The following UBN1 variants were observed in gnomAD, a reference collection of about 807,000 sequenced individuals.
The protein encoded by UBN1 is ubinuclein 1, also known as ubinuclein-1.
In UBN1, 17 loss-of-function variants were observed where a neutral mutation model predicts 108.5. The ratio of observed to expected loss-of-function variants is 0.16; its 90% CI spans 0.11 to 0.24. The LOEUF (loss-of-function observed/expected upper bound fraction) is 0.24, where lower values mean the gene tolerates loss of function less well. Among genes scored for constraint, UBN1 ranks in the 10% least tolerant of loss-of-function variants. UBN1 has a pLI of 1.00. For missense variants in UBN1, 1,595 were observed against 1,394.4 expected, an observed-to-expected ratio of 1.14 and a Z score of -2.29; for synonymous variants, 726 against 564.2, an observed-to-expected ratio of 1.29 and a Z score of -4.07.
chr16:4,874,640 C>G lies in UBN1; in HGVS notation c.2230C>G (p.Leu744Val). 6.2e-7 allele frequency: 1 copy of G among 1,614,230 alleles called. No homozygotes were observed. The highest frequency in any genetic ancestry group is 1.1e-5 in the South Asian group (1 of 91,084). ...CCTCAATTTTCTGGCAGAACAGGCT[C>G]TGGCACTGGGGCAGTCCTCTCAGGA... is the stretch of plus-strand genomic sequence containing the variant. The part of the protein sequence containing the change: ...SPLNFLAEQA[L>V]ALGQSSQEKK... Residue 744 changes from leucine to valine, a missense_variant, in exon 15 of 18, where the codon CTG (leucine) becomes GTG (valine). Around this residue, in one of 3 missense-constraint regions of UBN1, gnomAD observed 1,398 missense variants for 1,194.7 expected, o/e 1.17. Coordinates refer to ENST00000262376, the MANE Select transcript of UBN1 (RefSeq NM_001079514.3).
chr16:4,879,638 C>T (rs1596535013), intron 17 of UBN1, among the ~76,000 whole-genome samples: 1 of 152,224 alleles, frequency 6.6e-6, no homozygotes, highest in African/African-American at 2.4e-5. Flanking sequence ...CTTGTGTCTG[C>T]GTTGCTTTCC....
chr16:4,870,124 C>T lies in UBN1; in HGVS notation c.1182-88C>T, dbSNP rs1596511763. ...AGACAGGGTTTGACTGCCGTTGGCT[C>T]CTAGCTTTCCTCTCCACGTACGGTG... On this transcript the variant is annotated intron_variant, in intron 8 of 17. Transcript: ENST00000262376. The T allele has an allele frequency of 1.7e-5, 27 of 1,579,336 alleles. No individual in the cohort carries two copies. The East Asian group carries it at 3.6e-4, about 21-fold the overall frequency.
In UBN1 at chr16:4,874,397, G is replaced by A; in HGVS notation, c.1987G>A (p.Glu663Lys). 2.5e-6 allele frequency: 4 copies of A among 1,614,070 alleles called. No individual in the cohort carries two copies. In the South Asian group the frequency reaches 4.4e-5, roughly 18 times the overall value. ...PPVNLEDSLD[E>K]DLIRNPASSV... ...TGTCAACCTGGAGGACTCATTGGAT[G>A]AAGACTTGATCCGCAATCCAGCCTC... Residue 663 changes from glutamate (E) to lysine (K), a missense_variant, in exon 15 of 18, where the codon GAA (glutamate) becomes AAA (lysine). Glu to Lys is a moderately conservative substitution (Grantham distance 56). Coordinates refer to ENST00000262376, the MANE Select transcript of UBN1 (RefSeq NM_001079514.3).
chr16:4,865,219 A>G (rs979631389), intron 7 of UBN1, among the ~76,000 whole-genome samples: 1 of 152,228 alleles, frequency 6.6e-6, no homozygotes, highest in African/African-American at 2.4e-5. Context: ...AAAATGCCGC[A>G]GTCGACTCTT....
At chr16:4,872,101 G>A (rs1447607883) in intron 12 of UBN1, 1 of 764,164 alleles carries the variant, frequency 1.3e-6, no homozygotes, top group African/African-American at 1.9e-5. Flanking sequence ...GAGAAAGTTA[G>A]CTGGAGTGAT....
intron 15 of UBN1, among the ~76,000 whole-genome samples, chr16:4,876,234 A>G (rs1382906145): frequency 6.6e-6 from 1 of 152,156 alleles, no homozygotes; most frequent in Non-Finnish European, 1.5e-5. Context: ...CTGGGATTGC[A>G]GGTGTGAGCC....
chr16:4,848,828 G>T (rs149647448), intron 1 of UBN1, among the ~76,000 whole-genome samples: 1,753 of 152,336 alleles, frequency 0.012, 40 homozygotes, highest in African/African-American at 0.04. Context: ...TGGCCGGGCA[G>T]GGTGGTATAA....
At chr16:4,861,304 G>T (rs544612516) in intron 7 of UBN1, among the ~76,000 whole-genome samples, 19 of 152,324 alleles carry the variant, frequency 1.2e-4, no homozygotes, top group Middle Eastern at 3.4e-3. Flanking sequence ...GCCTTTCTTG[G>T]TTTCTTCATT....
intron 2 of UBN1, 63 bp downstream of exon 2, chr16:4,853,229 G>C: frequency 6.4e-7 from 1 of 1,573,546 alleles, no homozygotes; most frequent in South Asian, 1.2e-5. Flanking sequence ...GCATGCATGT[G>C]GGGCTTCCGT....
At chr16:4,849,696 C>A (rs2086446195) in intron 1 of UBN1, among the ~76,000 whole-genome samples, 2 of 151,498 alleles carry the variant, frequency 1.3e-5, no homozygotes, top group Admixed American at 6.6e-5. Context: ...AGTCTAAAGC[C>A]ATCCTCCCAC....
At position 4,870,282 on chromosome 16, in the gene UBN1, C is replaced by T; in HGVS notation, c.1252C>T (p.Leu418=). ...GGTGTATGCCTATCTTGCGTCATTC[C>T]TGCCCTGCAGCAAGGATGCCCTGCT... The part of the protein sequence containing the change: ...SGVYAYLASF[L]PCSKDALLKR... The change falls in exon 9 of 18, where the codon CTG becomes TTG. Residue 418 remains leucine, a synonymous_variant. Transcript: ENST00000262376. 2.5e-6 allele frequency: 4 copies of T among 1,614,228 alleles called. No homozygotes were observed. The highest frequency in any genetic ancestry group is 3.4e-6 in the Non-Finnish European group (4 of 1,180,044).
chr16:4,858,572 G>T lies in UBN1; in HGVS notation c.341G>T (p.Gly114Val). ...TCTATTGCTTTCACATTTTAGGGTG[G>T]AAAGAAACGTAGAAAAGACCGAATA... ...LARKFEEKYG[G>V]KKRRKDRIQD... Residue 114 changes from glycine to valine, a missense_variant, in exon 4 of 18, where the codon GGA becomes GTA. Coordinates refer to ENST00000262376, the MANE Select transcript of UBN1 (RefSeq NM_001079514.3). 2.5e-6 allele frequency: 4 copies of T among 1,614,054 alleles called. No homozygotes were observed. The highest frequency in any genetic ancestry group is 3.4e-6 in the Non-Finnish European group (4 of 1,179,962).
intron 1 of UBN1, among the ~76,000 whole-genome samples, chr16:4,851,330 G>A (rs747442778): frequency 1.3e-5 from 2 of 152,170 alleles, no homozygotes; most frequent in Non-Finnish European, 2.9e-5. Context: ...CACGCCTGTA[G>A]TTCCAACTAC....
Position 4,877,174 on chromosome 16 carries a change from C to T in UBN1, c.3265+63C>T. ...CTCTAGATTGTGGCCAGGGGTCCTG[C>T]TGTTGTGTACTCTGGTTCCTGTGTT... On this transcript the variant is annotated intron_variant, in intron 16 of 17. Coordinates refer to ENST00000262376, the MANE Select transcript of UBN1 (RefSeq NM_001079514.3). The surrounding 1 kb of genome is among the most constrained non-coding windows in gnomAD (Gnocchi z 4.3). The T allele has an allele frequency of 6.5e-7, 1 of 1,540,572 alleles. No homozygotes were observed. Among genetic ancestry groups the T allele is most frequent in the Non-Finnish European group, 8.7e-7 (1 of 1,147,950 alleles).
rs1037577215 is a variant in UBN1 at position 4,877,405 on chromosome 16, T to A, written c.3286T>A (p.Ser1096Thr). ...LGHSLLAGLH[S>T]SPPHAAPLPH... is the part of the protein sequence containing the mutation. ...CTCAGGTCTTCTGGCTGGCTTGCAC[T>A]CCAGCCCGCCCCATGCAGCGCCTCT... The change falls in exon 17 of 18, where the codon TCC becomes ACC. Residue 1096 changes from serine to threonine, a missense_variant. Physicochemically the swap from Ser to Thr is moderately conservative, Grantham distance 58 (BLOSUM62 1). Coordinates refer to ENST00000262376, the MANE Select transcript of UBN1 (RefSeq NM_001079514.3). The surrounding 1 kb of genome is among the most constrained non-coding windows in gnomAD (Gnocchi z 4.3). The A allele has an allele frequency of 6.2e-7, 1 of 1,612,100 alleles. No homozygotes were observed. Among genetic ancestry groups the A allele is most frequent in the Admixed American group, 1.7e-5 (1 of 59,866 alleles).
In UBN1 at chr16:4,850,783, A is replaced by G. The variant is rs2086522542; in HGVS notation, c.-39-2096A>G. Among the ~76,000 whole-genome samples, 3 of 152,230 alleles carry G rather than the reference A, an allele frequency of 2.0e-5. No homozygotes were observed. The South Asian group carries it at 6.2e-4, about 32-fold the overall frequency. ...TACAAATACGTCTACATGTATGTGG[A>G]TATATACGATATATGCTAATTTTCC... On this transcript the variant is annotated intron_variant, in intron 1 of 17. Transcript: ENST00000262376.
chr16:4,873,072 A>G lies in UBN1; in HGVS notation c.1799A>G (p.Lys600Arg). The change falls in exon 14 of 18, where the codon AAG becomes AGG. Residue 600 changes from lysine to arginine, a missense_variant and splice_region_variant. By Grantham distance (26) the Lys-to-Arg change is conservative. Coordinates refer to ENST00000262376, the MANE Select transcript of UBN1 (RefSeq NM_001079514.3). ...KVMAPSKIKV[K>R]ESSTKPDKKV... ...ATGGCCCCTTCTAAAATCAAGGTGA[A>G]GGTGAGTCAGTTTGCTCGGGTCACA... 1 of 1,614,226 alleles carries G rather than the reference A, an allele frequency of 6.2e-7. No homozygotes were observed. Among genetic ancestry groups the G allele is most frequent in the Non-Finnish European group, 8.5e-7 (1 of 1,180,040 alleles).
intron 7 of UBN1, among the ~76,000 whole-genome samples, chr16:4,865,725 C>G (rs2087297600): frequency 6.6e-6 from 1 of 152,054 alleles, no homozygotes; most frequent in African/African-American, 2.4e-5. Flanking sequence ...TTTTGGGTGG[C>G]TGAGGCGGGC....
chr16:4,870,762 GA>G, intron 10 of UBN1, 81 bp from the exon 11 acceptor site: 1 of 1,595,122 alleles, frequency 6.3e-7, no homozygotes, highest in Non-Finnish European at 8.5e-7. Flanking sequence ...CCTTCTCTGT[GA>G]AGTCCCAGTA....
Sources: gnomAD v4.1 joint callset for allele counts (sites outside exome capture counted in the v4.1 genomes callset) on GRCh38, gnomAD v4.1.1 for gene constraint, gnomAD v4.1.1 regional missense constraint, Gnocchi (gnomAD v3.1) non-coding constraint, MANE v1.5 for transcripts, NCBI Gene and HGNC (gene_info 2026-07-23, HGNC 2026-07-21) for gene names.